Variants in PDE4D observed in about 807,000 individuals in gnomAD.
PDE4D encodes the protein 3',5'-cyclic-AMP phosphodiesterase 4D.
Under a neutral mutation model 87.4 loss-of-function variants are expected in PDE4D, and 24 were observed. The ratio of observed to expected loss-of-function variants is 0.27; its 90% confidence interval spans 0.20 to 0.39. The LOEUF (loss-of-function observed/expected upper bound fraction) is 0.39, where lower values mean the gene tolerates loss of function less well. Among genes scored for constraint, PDE4D ranks in the 10% least tolerant of loss-of-function variants. PDE4D has a pLI of 1.00. For missense variants in PDE4D, 714 were observed against 1,041.0 expected (o/e 0.69, Z 4.32); for synonymous variants, 384 against 383.2 (o/e 1.00, Z -0.02).
chr5:59,374,861 G>T (rs1030281639), intron 1 of PDE4D, among the ~76,000 whole-genome samples: 24 of 152,112 alleles, frequency 1.6e-4, no homozygotes, highest in Non-Finnish European at 2.6e-4. Context: ...AGAAGCTAAG[G>T]CTAAGAAATT....
At chr5:59,445,983 A>G (rs1244931727) in intron 1 of PDE4D, among the ~76,000 whole-genome samples, 12 of 152,160 alleles carry the variant, frequency 7.9e-5, no homozygotes, top group Non-Finnish European at 1.8e-4. Context: ...TGGTTTAAAG[A>G]TAGAGTCCCC....
intron 1 of PDE4D, among the ~76,000 whole-genome samples, chr5:60,340,279 A>AT (rs35196365): frequency 0.34 from 49,934 of 147,016 alleles, 8,785 homozygotes; most frequent in South Asian, 0.51. Context: ...ACAGCATCCT[A>AT]TTTTTTTTTT....
At chr5:59,453,964 C>A (rs1799531201) in intron 1 of PDE4D, among the ~76,000 whole-genome samples, 1 of 152,186 alleles carries the variant, frequency 6.6e-6, no homozygotes, top group African/African-American at 2.4e-5. Flanking sequence ...TTGTTAGGGG[C>A]TAATGCAGCT....
chr5:60,450,064 GA>G (rs1257246472), intron 1 of PDE4D, among the ~76,000 whole-genome samples: 2 of 132,532 alleles, frequency 1.5e-5, no homozygotes, highest in Non-Finnish European at 3.2e-5. Flanking sequence ...AAAAAAAAAA[GA>G]AACTAAAGTA....
chr5:60,013,643 A>G (rs1765231646), intron 2 of PDE4D, among the ~76,000 whole-genome samples: 2 of 152,202 alleles, frequency 1.3e-5, no homozygotes, highest in Non-Finnish European at 1.5e-5. Context: ...CCAGCTACCA[A>G]ACTACTCTGT....
At chr5:59,078,757 C>T (rs1488020284) in intron 5 of PDE4D, among the ~76,000 whole-genome samples, 3 of 152,088 alleles carry the variant, frequency 2.0e-5, no homozygotes, top group Non-Finnish European at 2.9e-5. Flanking sequence ...TCAAGTGATC[C>T]ACCCACCTCA....
chr5:59,666,122 G>A (rs1489790082), intron 1 of PDE4D, among the ~76,000 whole-genome samples: 5 of 152,030 alleles, frequency 3.3e-5, no homozygotes, highest in South Asian at 2.1e-4. Flanking sequence ...CACCATGCCC[G>A]GCTAATTATT....
At chr5:59,071,547 T>G (rs1351828447) in intron 5 of PDE4D, among the ~76,000 whole-genome samples, 2 of 151,304 alleles carry the variant, frequency 1.3e-5, no homozygotes, top group Non-Finnish European at 1.5e-5. Context: ...CTGAGTTGTT[T>G]TTTTTTTTTC....
chr5:59,446,710 C>T (rs1045372697), intron 1 of PDE4D, among the ~76,000 whole-genome samples: 1 of 152,210 alleles, frequency 6.6e-6, no homozygotes, highest in Non-Finnish European at 1.5e-5. Flanking sequence ...TAGTACGGAG[C>T]TCCCCACAGG....
At chr5:60,208,551 G>A (rs568290676) in intron 1 of PDE4D, among the ~76,000 whole-genome samples, 1 of 152,252 alleles carries the variant, frequency 6.6e-6, no homozygotes, top group Admixed American at 6.5e-5. Flanking sequence ...CCCCCTTAGA[G>A]GTGTCATGAA....
At chr5:60,364,669 C>A (rs1046806048) in intron 1 of PDE4D, among the ~76,000 whole-genome samples, 1 of 152,080 alleles carries the variant, frequency 6.6e-6, no homozygotes, top group Non-Finnish European at 1.5e-5. Flanking sequence ...GAAATGCCAG[C>A]CCAATTTAAA....
At chr5:60,212,387 G>A (rs772307260) in intron 1 of PDE4D, among the ~76,000 whole-genome samples, 2 of 152,134 alleles carry the variant, frequency 1.3e-5, no homozygotes, top group Non-Finnish European at 2.9e-5. Context: ...CCCAGATTTA[G>A]CCAATTGGAG....
chr5:59,379,207 C>T (rs371934097), intron 1 of PDE4D, among the ~76,000 whole-genome samples: 15 of 152,234 alleles, frequency 9.9e-5, no homozygotes, highest in Admixed American at 3.3e-4. Context: ...GTCTGCGTAA[C>T]AATCAATAAT....
intron 1 of PDE4D, among the ~76,000 whole-genome samples, chr5:60,287,124 T>C (rs937641847): frequency 3.9e-5 from 6 of 152,210 alleles, no homozygotes; most frequent in African/African-American, 1.4e-4. Flanking sequence ...TCTTTAATCC[T>C]TACTGTGTGT....
intron 1 of PDE4D, among the ~76,000 whole-genome samples, chr5:59,295,964 A>C (rs1769002172): frequency 6.6e-6 from 1 of 152,068 alleles, no homozygotes; most frequent in African/African-American, 2.4e-5. Flanking sequence ...CCTTGAAAGG[A>C]GGTAGCTGCT....
At chr5:59,365,038 G>T (rs1210050975) in intron 1 of PDE4D, among the ~76,000 whole-genome samples, 9 of 151,918 alleles carry the variant, frequency 5.9e-5, no homozygotes, top group African/African-American at 2.2e-4. Context: ...GAAACTCAAG[G>T]GTAATACAAA....
At chr5:60,147,809 A>T (rs1410341841) in intron 2 of PDE4D, 5 of 455,684 alleles carry the variant, frequency 1.1e-5, no homozygotes, top group Admixed American at 4.7e-5. Flanking sequence ...ATATTTTACC[A>T]TGTGGCCTTC....
intron 1 of PDE4D, among the ~76,000 whole-genome samples, chr5:60,358,153 C>T (rs1344776047): frequency 6.6e-6 from 1 of 152,208 alleles, no homozygotes; most frequent in Non-Finnish European, 1.5e-5. Context: ...CTCTGCTATA[C>T]TGTGGTGTTC....
chr5:59,698,934 C>T (rs938185911), intron 1 of PDE4D, among the ~76,000 whole-genome samples: 3 of 152,294 alleles, frequency 2.0e-5, no homozygotes, highest in Middle Eastern at 3.4e-3. Context: ...GTGGAGGTTT[C>T]ACTTGGCCAT....
Sources: allele counts gnomAD v4.1 joint callset (sites outside exome capture counted in the v4.1 genomes callset), GRCh38; gene constraint gnomAD v4.1.1; transcripts MANE v1.5; gene names NCBI Gene and HGNC (gene_info 2026-07-23, HGNC 2026-07-21).